The following OLFM4 variants were observed in gnomAD, a reference collection of about 807,000 sequenced individuals.
The protein encoded by OLFM4 is olfactomedin-4.
In OLFM4, 22 loss-of-function variants were observed where a neutral mutation model predicts 25.5. The observed-to-expected ratio is 0.86, with a 90% CI of 0.62 to 1.23. The LOEUF (loss-of-function observed/expected upper bound fraction) is 1.23, where lower values mean the gene tolerates loss of function less well. Ranked by LOEUF, OLFM4 falls within the 50% of genes most tolerant of loss-of-function variation. The pLI is 0.00. For synonymous variants in OLFM4, 255 were observed against 237.7 expected (o/e 1.07, Z -0.67); for missense variants, 594 against 619.4 (o/e 0.96, Z 0.44).
intron 4 of OLFM4, among the ~76,000 whole-genome samples, chr13:53,046,328 T>C (rs1406196979): frequency 6.6e-6 from 1 of 152,192 alleles, no homozygotes; most frequent in Non-Finnish European, 1.5e-5. Flanking sequence ...CAAGTCAGAA[T>C]ATTTTAAATT....
chr13:53,035,760 G>A (rs578234264), intron 2 of OLFM4, among the ~76,000 whole-genome samples: 1 of 152,228 alleles, frequency 6.6e-6, no homozygotes, highest in African/African-American at 2.4e-5. Flanking sequence ...ACACTGACTT[G>A]AACTCTGATT....
At position 53,043,230 on chromosome 13, in the gene OLFM4, A is replaced by G. The variant is rs756648540; in HGVS notation, c.696A>G (p.Gln232=). 6.2e-7 allele frequency: 1 copy of G among 1,610,890 alleles called. No individual in the cohort carries two copies. The highest frequency in any genetic ancestry group is 1.7e-5 in the Admixed American group (1 of 59,232). Residue 232 remains glutamine, a synonymous_variant, in exon 4 of 5, where the codon CAA becomes CAG. Transcript: ENST00000219022. ...AAGAGTGTGAGGCCTCTAAAGATCA[A>G]AACACCCCTGTCGTCCACCCTCCTC... is the stretch of plus-strand genomic sequence containing the variant. ...KLKECEASKD[Q]NTPVVHPPPT...
rs761343913 is a variant in OLFM4, at chr13:53,050,687, T to C, written c.1449T>C (p.Tyr483=). The C allele has an allele frequency of 2.4e-5, 39 of 1,613,716 alleles. 1 individual carries two copies. In the South Asian group the frequency reaches 4.1e-4, roughly 17 times the overall value. ...AGGAAAAAGTGCAGAGCATTAACTA[T>C]AACCCTTTTGACCAGAAACTTTATG... The part of the protein sequence containing the change: ...KMQEKVQSIN[Y]NPFDQKLYVY... Residue 483 remains tyrosine (Y), a synonymous_variant, in exon 5 of 5, where the codon TAT becomes TAC. Coordinates refer to ENST00000219022, the MANE Select transcript of OLFM4 (RefSeq NM_006418.5).
At chr13:53,032,400 T>A (rs1370389054) in intron 1 of OLFM4, among the ~76,000 whole-genome samples, 1 of 152,204 alleles carries the variant, frequency 6.6e-6, no homozygotes, top group African/African-American at 2.4e-5. Context: ...GTCCTTGATA[T>A]GTCGGTCTTT....
chr13:53,031,267 A>G (rs1251002453), intron 1 of OLFM4, among the ~76,000 whole-genome samples: 1 of 152,166 alleles, frequency 6.6e-6, no homozygotes, highest in African/African-American at 2.4e-5. Flanking sequence ...GCTGGCTGTC[A>G]GCTTGATGAG....
At chr13:53,032,555 C>T (rs1299453141) in intron 1 of OLFM4, among the ~76,000 whole-genome samples, 1 of 152,028 alleles carries the variant, frequency 6.6e-6, no homozygotes, top group African/African-American at 2.4e-5. Context: ...AAGACCCTTC[C>T]CCTATTCAAA....
chr13:53,030,294 G>A (rs1954622068), intron 1 of OLFM4, among the ~76,000 whole-genome samples: 1 of 152,000 alleles, frequency 6.6e-6, no homozygotes, highest in Admixed American at 6.6e-5. Flanking sequence ...ATATCTTTTT[G>A]TTGTTGTTGT....
intron 2 of OLFM4, among the ~76,000 whole-genome samples, chr13:53,041,181 T>C (rs1954685028): frequency 6.6e-6 from 1 of 152,188 alleles, no homozygotes; most frequent in South Asian, 2.1e-4. Context: ...TGTGTGTACA[T>C]TGCAGTACTA....
intron 4 of OLFM4, among the ~76,000 whole-genome samples, 188 bp from the exon 5 acceptor site, chr13:53,049,781 G>C (rs1017091221): frequency 6.6e-5 from 10 of 152,086 alleles, no homozygotes; most frequent in Non-Finnish European, 2.9e-5. Flanking sequence ...GCTGACATTG[G>C]GTTTGCATTG....
rs111245170 is a variant in OLFM4 at position 53,041,353 on chromosome 13, C to T, written c.358-557C>T. Among the ~76,000 whole-genome samples, 103 of 152,220 alleles carry T rather than the reference C, an allele frequency of 6.8e-4. No individual in the cohort carries two copies. The South Asian group carries it at 7.9e-3, about 12-fold the overall frequency. On this transcript the variant is annotated intron_variant, in intron 2 of 4. Transcript: ENST00000219022. Reference sequence around the variant, plus strand: ...GGATAGAGAGCTGGAAGCCATTCTCCGAAGCAAATTAACACAAGAACAGAA... The same window carrying T: ...GGATAGAGAGCTGGAAGCCATTCTCTGAAGCAAATTAACACAAGAACAGAA...
chr13:53,046,619 C>T (rs1954717396), intron 4 of OLFM4, among the ~76,000 whole-genome samples: 1 of 152,286 alleles, frequency 6.6e-6, no homozygotes, highest in African/African-American at 2.4e-5. Context: ...TGGCCCTGTT[C>T]TGGGTACTGG....
chr13:53,034,794 A>G (rs1954649184), intron 2 of OLFM4, among the ~76,000 whole-genome samples: 1 of 152,116 alleles, frequency 6.6e-6, no homozygotes, highest in Non-Finnish European at 1.5e-5. Flanking sequence ...GCAAACCCCA[A>G]CCTGCAATTT....
chr13:53,049,466 C>T (rs1954732861), intron 4 of OLFM4, among the ~76,000 whole-genome samples: 1 of 152,016 alleles, frequency 6.6e-6, no homozygotes. Context: ...TGAAGCCTTG[C>T]CTGGGAAAAT....
intron 1 of OLFM4, among the ~76,000 whole-genome samples, chr13:53,032,958 C>A (rs772560505): frequency 4.6e-5 from 7 of 152,156 alleles, no homozygotes; most frequent in Non-Finnish European, 1.0e-4. Context: ...ACTTCTGGCT[C>A]TGAAGACCAT....
chr13:53,047,686 TTAG>T (rs2138242106), intron 4 of OLFM4, among the ~76,000 whole-genome samples: 1 of 152,242 alleles, frequency 6.6e-6, no homozygotes, highest in Admixed American at 6.5e-5. Flanking sequence ...ACTATTACTA[TTAG>T]TAGTAGTAAC....
At position 53,050,796 on chromosome 13, in the gene OLFM4, A is replaced by T; in HGVS notation, c.*25A>T. The T allele has an allele frequency of 6.5e-7, 1 of 1,535,480 alleles. No individual in the cohort carries two copies. The highest frequency in any genetic ancestry group is 8.7e-7 in the Non-Finnish European group (1 of 1,146,526). ...AGCTGTTTAGGAGTTAGGGTGAAAGAGAAAATGTTTGTTGAAAAAATAGTC... is the reference window on the plus strand; with the variant it reads ...AGCTGTTTAGGAGTTAGGGTGAAAGTGAAAATGTTTGTTGAAAAAATAGTC... On this transcript the variant is annotated 3_prime_UTR_variant, in exon 5 of 5. Transcript: ENST00000219022.
Position 53,041,979 on chromosome 13 carries a change from A to G in OLFM4, c.427A>G (p.Ile143Val), listed in dbSNP as rs758744081. Residue 143 changes from isoleucine to valine, a missense_variant, in exon 3 of 5, where the codon ATC (isoleucine) becomes GTC (valine). Transcript: ENST00000219022. Reference protein sequence around the residue: ...KLLNLTVRIDIMEKDTISYTE... With the variant: ...KLLNLTVRIDVMEKDTISYTE... ...GTTAAACCTAACTGTCCGAATTGAC[A>G]TCATGGAGAAGGATACCATTTCTTA... is the stretch of plus-strand genomic sequence containing the variant. 1.1e-5 allele frequency: 18 copies of G among 1,613,918 alleles called. No individual in the cohort carries two copies. The highest frequency in any genetic ancestry group is 3.3e-5 in the Admixed American group (2 of 59,992).
chr13:53,049,778 T>C (rs1056805072), intron 4 of OLFM4, among the ~76,000 whole-genome samples, 191 bp from the exon 5 acceptor site: 2 of 152,128 alleles, frequency 1.3e-5, no homozygotes, highest in Non-Finnish European at 2.9e-5. Context: ...AGAGCTGACA[T>C]TGGGTTTGCA....
At chr13:53,045,548 T>G (rs931661753) in intron 4 of OLFM4, among the ~76,000 whole-genome samples, 2 of 152,190 alleles carry the variant, frequency 1.3e-5, no homozygotes, top group Non-Finnish European at 2.9e-5. Flanking sequence ...CTGTGGAGAC[T>G]TTAATTAAAG....
Sources: gnomAD v4.1 joint callset for allele counts (sites outside exome capture counted in the v4.1 genomes callset) on GRCh38, gnomAD v4.1.1 for gene constraint, MANE v1.5 for transcripts, NCBI Gene and HGNC (gene_info 2026-07-23, HGNC 2026-07-21) for gene names.